The following CABP1 variants were observed in gnomAD, a reference collection of about 807,000 sequenced individuals.
CABP1 encodes the protein calcium binding protein 1.
CABP1 carries 17 observed loss-of-function variants against 34.3 expected under a neutral mutation model. The observed-to-expected ratio is 0.50, with a 90% CI of 0.34 to 0.74. The LOEUF is 0.74. Ranked by LOEUF, CABP1 falls within the 30% of genes least tolerant of loss-of-function variation. CABP1 has a pLI of 0.01. For synonymous variants in CABP1, 198 were observed against 229.2 expected, an observed-to-expected ratio of 0.86 and a Z score of 1.23; for missense variants, 373 against 511.1, an observed-to-expected ratio of 0.73 and a Z score of 2.61.
chr12:120,672,496 G>A, the CABP1 span, among the ~76,000 whole-genome samples: 4 of 151,502 alleles, frequency 2.6e-5, no homozygotes, highest in East Asian at 7.8e-4. Context: ...GCCAGGCGTG[G>A]TAGCACAGGC....
chr12:120,674,093 G>A, the CABP1 span, among the ~76,000 whole-genome samples: 2 of 152,152 alleles, frequency 1.3e-5, no homozygotes, highest in Non-Finnish European at 1.5e-5. Flanking sequence ...CTGAGGCACA[G>A]GGATCACTTG....
chr12:120,659,795 C>A, intron 1 of CABP1, 83 bp from the exon 2 acceptor site: 1 of 1,344,748 alleles, frequency 7.4e-7, no homozygotes, highest in Non-Finnish European at 1.1e-6. Flanking sequence ...GTGCCTGCTG[C>A]CACGTGGATG....
intron 5 of CABP1, among the ~76,000 whole-genome samples, chr12:120,664,186 C>G (rs1880824518): frequency 1.3e-5 from 2 of 152,212 alleles, no homozygotes. Flanking sequence ...CTGCTGTGTG[C>G]TAAGATCTGG....
chr12:120,647,033 C>T (rs959054092), intron 1 of CABP1, among the ~76,000 whole-genome samples: 1 of 152,170 alleles, frequency 6.6e-6, no homozygotes, highest in East Asian at 1.9e-4. Flanking sequence ...CAGGTTTTGC[C>T]GGCTCCTGTC....
chr12:120,660,276 A>G lies in CABP1; in HGVS notation c.766A>G (p.Thr256Ala). The G allele has an allele frequency of 1.3e-6, 2 of 1,596,426 alleles. No individual in the cohort carries two copies. Among genetic ancestry groups the G allele is most frequent in the Non-Finnish European group, 1.7e-6 (2 of 1,171,248 alleles). The change falls in exon 3 of 6, where the codon ACC (threonine) becomes GCC (alanine). Residue 256 changes from threonine to alanine, a missense_variant. By Grantham distance (58) the Thr-to-Ala change is moderately conservative (BLOSUM62 0). Coordinates refer to ENST00000316803, the MANE Select transcript of CABP1 (RefSeq NM_001033677.2). This position sits in a 1 kb window ranked among gnomAD's most constrained non-coding sequence, Gnocchi z 5.0. ...NCRDLGNCMR[T>A]MGYMPTEMEL... is the part of the protein sequence containing the mutation. ...CCGGGATCTGGGCAACTGCATGCGC[A>G]CCATGGGCTACATGCCCACCGAGAT...
the CABP1 span, among the ~76,000 whole-genome samples, chr12:120,677,592 G>C: frequency 2.7e-3 from 409 of 151,270 alleles, 2 homozygotes; most frequent in African/African-American, 8.5e-3. Context: ...AGATGGGAGT[G>C]GGGGGTGTCT....
chr12:120,667,023 C>A lies in CABP1; in HGVS notation c.*123C>A. On this transcript the variant is annotated 3_prime_UTR_variant, in exon 6 of 6. Coordinates refer to ENST00000316803, the MANE Select transcript of CABP1 (RefSeq NM_001033677.2). ...TGTACTGGCGGATGGGGCCTGCCTG[C>A]ACCCCGGGGAGGCGCCCACCCCGGA... 3 of 1,258,020 alleles carry A rather than the reference C, an allele frequency of 2.4e-6. No homozygotes were observed. The highest frequency in any genetic ancestry group is 3.3e-6 in the Non-Finnish European group (3 of 896,614). The allele number at this position is 1,258,020 out of a possible 1,614,324, so 77.9% of individuals were successfully genotyped here.
At chr12:120,664,949 A>C (rs111258944) in intron 5 of CABP1, among the ~76,000 whole-genome samples, 3,997 of 151,948 alleles carry the variant, frequency 0.026, 195 homozygotes, top group African/African-American at 0.091. Flanking sequence ...GAGGGGACAC[A>C]CATGCATATT....
chr12:120,647,209 G>A (rs902519022), intron 1 of CABP1, among the ~76,000 whole-genome samples: 2 of 152,076 alleles, frequency 1.3e-5, no homozygotes, highest in African/African-American at 2.4e-5. Flanking sequence ...AGGGGAAGAC[G>A]GCGCTTTCTA....
chr12:120,655,716 T>C, intron 1 of CABP1: 1 of 1,442,536 alleles, frequency 6.9e-7, no homozygotes, highest in Non-Finnish European at 9.1e-7. Flanking sequence ...GTTGTCTCAT[T>C]AGGCTCTGAG....
chr12:120,666,407 G>A (rs1880986212), intron 5 of CABP1, among the ~76,000 whole-genome samples: 1 of 149,542 alleles, frequency 6.7e-6, no homozygotes, highest in South Asian at 2.1e-4. Context: ...CCAGGAGGTG[G>A]AGGCTTCAGT....
chr12:120,669,150 C>T (rs886469301), downstream of CABP1, among the ~76,000 whole-genome samples: 3 of 152,196 alleles, frequency 2.0e-5, no homozygotes, highest in African/African-American at 4.8e-5. Context: ...GCTGTGCTGC[C>T]GCAGAGGGAG....
chr12:120,640,918 C>T lies in CABP1; in HGVS notation c.233C>T (p.Ala78Val). The change falls in exon 1 of 6, where the codon GCG (alanine) becomes GTG (valine). Residue 78 changes from alanine (A) to valine (V), a missense_variant. Physicochemically the swap from Ala to Val is moderately conservative, Grantham distance 64. Around this residue, in one of 4 missense-constraint regions of CABP1, gnomAD observed 134 missense variants for 145.4 expected, o/e 0.92. Transcript: ENST00000316803. The surrounding 1 kb of genome is among the most constrained non-coding windows in gnomAD (Gnocchi z 6.2). ...KTSLLKAAAA[A>V]ASGGSRAPRH... is the part of the protein sequence containing the mutation. ...TCGCTGCTGAAGGCGGCGGCGGCGG[C>T]GGCGAGCGGGGGCAGCCGGGCTCCC... 1 of 1,109,000 alleles carries T rather than the reference C, an allele frequency of 9.0e-7. No homozygotes were observed. Among genetic ancestry groups the T allele is most frequent in the Non-Finnish European group, 1.1e-6 (1 of 910,194 alleles). 68.7% of individuals were successfully genotyped at this position (1,109,000 alleles called of 1,614,324 possible).
the CABP1 span, among the ~76,000 whole-genome samples, chr12:120,673,671 T>C: frequency 6.6e-6 from 1 of 152,174 alleles, no homozygotes; most frequent in East Asian, 1.9e-4. Flanking sequence ...CTCTACTACT[T>C]ATCAGCCGCG....
chr12:120,673,852 C>A, the CABP1 span, among the ~76,000 whole-genome samples: 5 of 152,270 alleles, frequency 3.3e-5, no homozygotes, highest in Non-Finnish European at 7.3e-5. Context: ...CTATGTGAAG[C>A]CTTTGGAATA....
At chr12:120,650,710 G>A in intron 1 of CABP1, 1 of 1,610,806 alleles carries the variant, frequency 6.2e-7, no homozygotes, top group Non-Finnish European at 8.5e-7. Context: ...CCAAGATCTG[G>A]GGCTGGGGAT....
At position 120,640,701 on chromosome 12, in the gene CABP1, G is replaced by C. The variant is rs1467801004; in HGVS notation, c.16G>C (p.Gly6Arg). Residue 6 changes from glycine (G) to arginine (R), a missense_variant, in exon 1 of 6, where the codon GGG becomes CGG. Gly to Arg is a moderately radical substitution (Grantham distance 125, BLOSUM62 -2). Around this residue, in one of 4 missense-constraint regions of CABP1, gnomAD observed 134 missense variants for 145.4 expected, o/e 0.92. Transcript: ENST00000316803. This position sits in a 1 kb window ranked among gnomAD's most constrained non-coding sequence, Gnocchi z 6.2. ...GCGCTGTCACATGGGCGGCGGCGAC[G>C]GGGCCGCATTTAAGCGGCCGGGGGA... is the stretch of plus-strand genomic sequence containing the variant. MGGGDGAAFKRPGDGA... is the reference protein window; with the variant it reads MGGGDRAAFKRPGDGA... 1 of 1,185,984 alleles carries C rather than the reference G, an allele frequency of 8.4e-7. No individual in the cohort carries two copies. Among genetic ancestry groups the C allele is most frequent in the Non-Finnish European group, 1.0e-6 (1 of 958,296 alleles). The allele number at this position is 1,185,984 out of a possible 1,614,324, so 73.5% of individuals were successfully genotyped here. A position where few individuals can be genotyped will look rare whatever the true frequency, so the allele number is the denominator to read the frequency against.
At chr12:120,664,292 G>C (rs758368764) in intron 5 of CABP1, among the ~76,000 whole-genome samples, 9 of 152,202 alleles carry the variant, frequency 5.9e-5, no homozygotes, top group Non-Finnish European at 8.8e-5. Context: ...CTGCTATAGA[G>C]GGGGCGCCTG....
At chr12:120,677,424 TCTCA>T in the CABP1 span, among the ~76,000 whole-genome samples, 20,425 of 126,338 alleles carry the variant, frequency 0.16, 1,698 homozygotes, top group Middle Eastern at 0.31. Flanking sequence ...TGAGACAGAG[TCTCA>T]CTCTGTTGCC....
Sources: gnomAD v4.1 joint callset for allele counts (sites outside exome capture counted in the v4.1 genomes callset) on GRCh38, gnomAD v4.1.1 for gene constraint, gnomAD v4.1.1 regional missense constraint, Gnocchi (gnomAD v3.1) non-coding constraint, MANE v1.5 for transcripts, NCBI Gene and HGNC (gene_info 2026-07-23, HGNC 2026-07-21) for gene names.